The following FASTKD5 variants were observed in gnomAD, a reference collection of about 807,000 sequenced individuals.
FASTKD5 encodes the protein FAST kinase domains 5.
FASTKD5 carries 30 observed loss-of-function variants against 44.0 expected under a neutral mutation model. The observed-to-expected ratio is 0.68, with a 90% CI of 0.51 to 0.93. FASTKD5 has a LOEUF of 0.93. FASTKD5 is among the 40% of genes least tolerant of loss of function. The pLI, the probability that FASTKD5 is intolerant of heterozygous loss-of-function variation, is 0.00. For missense variants in FASTKD5, 868 were observed against 908.2 expected (o/e 0.96, Z 0.57); for synonymous variants, 335 against 342.2 (o/e 0.98, Z 0.23).
Position 3,148,131 on chromosome 20 carries a change from T to C in FASTKD5, c.940A>G (p.Asn314Asp). Reference protein sequence around the residue: ...SLILKYIDLINLEEVGTICLG... With the variant: ...SLILKYIDLIDLEEVGTICLG... ...CAGATGGTACCAACCTCCTCCAAAT[T>C]GATCAAATCTATATATTTAAGGATC... The change falls in exon 2 of 2, where the codon AAT becomes GAT. Residue 314 changes from asparagine to aspartate, a missense_variant. Asn to Asp is a conservative substitution (Grantham distance 23). Transcript: ENST00000380266. The C allele has an allele frequency of 6.2e-7, 1 of 1,613,908 alleles. No homozygotes were observed. The highest frequency in any genetic ancestry group is 8.5e-7 in the Non-Finnish European group (1 of 1,179,982).
At chr20:3,151,525 C>G (rs980437377) in intron 1 of FASTKD5, among the ~76,000 whole-genome samples, 2 of 151,986 alleles carry the variant, frequency 1.3e-5, no homozygotes, top group African/African-American at 4.8e-5. Flanking sequence ...AACTTGGCCA[C>G]GCCTATAATC....
chr20:3,151,913 T>C (rs1475086491), intron 1 of FASTKD5: 1 of 151,402 alleles, frequency 6.6e-6, no homozygotes, highest in Admixed American at 6.6e-5. Flanking sequence ...GAGACCAGCC[T>C]GGCCATCATG....
chr20:3,154,964 G>A (rs150663729), intron 1 of FASTKD5, among the ~76,000 whole-genome samples: 380 of 147,498 alleles, frequency 2.6e-3, no homozygotes, highest in African/African-American at 9.2e-3. Context: ...GAGGCAGGAG[G>A]ATCACTTGAA....
intron 1 of FASTKD5, among the ~76,000 whole-genome samples, chr20:3,151,068 TTGTG>T (rs142154039): frequency 6.7e-6 from 1 of 149,358 alleles, no homozygotes; most frequent in African/African-American, 2.5e-5. Flanking sequence ...GTGTGTGTGT[TTGTG>T]TGTGTGTGTG....
rs765793166 is a variant in FASTKD5 at position 3,147,622 on chromosome 20, C to T, written c.1449G>A (p.Glu483=). The T allele has an allele frequency of 6.2e-7, 1 of 1,614,230 alleles. No individual in the cohort carries two copies. The highest frequency in any genetic ancestry group is 1.7e-5 in the Admixed American group (1 of 60,026). Reference sequence around the variant, plus strand: ...AATCAATTAACTCTACTGGAAAGTACTCCAAAAATGCCAGGCCCAGCAGGC... The same window carrying T: ...AATCAATTAACTCTACTGGAAAGTATTCCAAAAATGCCAGGCCCAGCAGGC... ...PTCLLGLAFL[E]YFPVELIDFA... Residue 483 remains glutamate (E), a synonymous_variant, in exon 2 of 2, where the codon GAG becomes GAA. Transcript: ENST00000380266.
In FASTKD5 at chr20:3,147,131, T is replaced by C. The variant is rs1328399673; in HGVS notation, c.1940A>G (p.Glu647Gly). The C allele has an allele frequency of 1.2e-6, 2 of 1,613,690 alleles. No homozygotes were observed. Among genetic ancestry groups the C allele is most frequent in the Non-Finnish European group, 1.7e-6 (2 of 1,180,054 alleles). Residue 647 changes from glutamate to glycine, a missense_variant, in exon 2 of 2, where the codon GAG (glutamate) becomes GGG (glycine). Physicochemically the swap from Glu to Gly is moderately conservative, Grantham distance 98. Coordinates refer to ENST00000380266, the MANE Select transcript of FASTKD5 (RefSeq NM_021826.5). The part of the protein sequence containing the change: ...KARGHFQGKT[E>G]SEPGQQPMEL... ...CATGGGCTGCTGCCCAGGCTCTGAC[T>C]CAGTTTTGCCCTGGAAATGTCCTCT...
intron 1 of FASTKD5, among the ~76,000 whole-genome samples, chr20:3,152,937 A>T (rs1217794266): frequency 6.6e-6 from 1 of 152,024 alleles, no homozygotes. Flanking sequence ...AAAAAAATAG[A>T]TTTAAAGGTC....
At position 3,147,259 on chromosome 20, in the gene FASTKD5, A is replaced by G. The variant is rs995071327; in HGVS notation, c.1812T>C (p.Asn604=). ...CATTTTCAGCCGGCGTGGCTTCTCTATTAAATGGTAATGGCTTCAGGTTAA... is the reference window on the plus strand; with the variant it reads ...CATTTTCAGCCGGCGTGGCTTCTCTGTTAAATGGTAATGGCTTCAGGTTAA... The part of the protein sequence containing the change: ...LDVNLKPLPF[N]REATPAENVA... The change falls in exon 2 of 2, where the codon AAT becomes AAC. Residue 604 remains asparagine (N), a synonymous_variant. Transcript: ENST00000380266. 1.2e-6 allele frequency: 2 copies of G among 1,614,224 alleles called. No homozygotes were observed. Among genetic ancestry groups the G allele is most frequent in the Non-Finnish European group, 1.7e-6 (2 of 1,180,044 alleles).
In FASTKD5 at chr20:3,147,288, C is replaced by A; in HGVS notation, c.1783G>T (p.Asp595Tyr). The A allele has an allele frequency of 6.2e-7, 1 of 1,614,220 alleles. No individual in the cohort carries two copies. The highest frequency in any genetic ancestry group is 8.5e-7 in the Non-Finnish European group (1 of 1,180,038). Residue 595 changes from aspartate to tyrosine, a missense_variant, in exon 2 of 2, where the codon GAT (aspartate) becomes TAT (tyrosine). Transcript: ENST00000380266. ...AATGGTAATGGCTTCAGGTTAACAT[C>A]AAGCTGGACCTCTAAGTCAGAAGAT... ...TRSSDLEVQLDVNLKPLPFNR... is the reference protein window; with the variant it reads ...TRSSDLEVQLYVNLKPLPFNR...
At chr20:3,158,942 A>ACAAAACGC (rs1176627087) in intron 1 of FASTKD5, among the ~76,000 whole-genome samples, 1 of 152,256 alleles carries the variant, frequency 6.6e-6, no homozygotes, top group Non-Finnish European at 1.5e-5. Context: ...TGACTGGAGC[A>ACAAAACGC]CAAAACGCCA....
At chr20:3,158,441 G>C (rs1031981783) in intron 1 of FASTKD5, among the ~76,000 whole-genome samples, 2 of 152,094 alleles carry the variant, frequency 1.3e-5, no homozygotes, top group African/African-American at 4.8e-5. Flanking sequence ...ATGCAGCACA[G>C]AGTCTTCAGA....
In FASTKD5 at chr20:3,148,121, T is replaced by C; in HGVS notation, c.950A>G (p.Glu317Gly). Reference sequence around the variant, plus strand: ...GAACCCCAAACAGATGGTACCAACCTCCTCCAAATTGATCAAATCTATATA... The same window carrying C: ...GAACCCCAAACAGATGGTACCAACCCCCTCCAAATTGATCAAATCTATATA... ...LKYIDLINLE[E>G]VGTICLGFFK... Residue 317 changes from glutamate (E) to glycine (G), a missense_variant, in exon 2 of 2, where the codon GAG becomes GGG. Coordinates refer to ENST00000380266, the MANE Select transcript of FASTKD5 (RefSeq NM_021826.5). The C allele has an allele frequency of 6.2e-7, 1 of 1,613,930 alleles. No individual in the cohort carries two copies. The highest frequency in any genetic ancestry group is 8.5e-7 in the Non-Finnish European group (1 of 1,179,990).
At chr20:3,151,873 G>A (rs921664768) in intron 1 of FASTKD5, 1 of 151,564 alleles carries the variant, frequency 6.6e-6, no homozygotes, top group Admixed American at 6.6e-5. Flanking sequence ...GAGAGGCCAA[G>A]GCAGGCAGAT....
intron 1 of FASTKD5, among the ~76,000 whole-genome samples, chr20:3,155,836 C>G (rs1423268463): frequency 6.6e-6 from 1 of 152,152 alleles, no homozygotes; most frequent in Non-Finnish European, 1.5e-5. Flanking sequence ...GAAGAGCCAA[C>G]CTACAAATGG....
chr20:3,148,663 A>G lies in FASTKD5; in HGVS notation c.408T>C (p.Ser136=), dbSNP rs752396265. ...CACCTTCTGAAACAGACAGGAGCTG[A>G]GAAGTCTCAGATGCATTATAGCTGT... ...RVHSYNASET[S]QLLSVSEGEL... Residue 136 remains serine (S), a synonymous_variant, in exon 2 of 2, where the codon TCT becomes TCC. Transcript: ENST00000380266. 6.2e-6 allele frequency: 10 copies of G among 1,614,198 alleles called. No homozygotes were observed. Among genetic ancestry groups the G allele is most frequent in the Non-Finnish European group, 8.5e-6 (10 of 1,180,008 alleles).
intron 1 of FASTKD5, among the ~76,000 whole-genome samples, chr20:3,157,321 T>C (rs1369409795): frequency 6.6e-6 from 1 of 152,198 alleles, no homozygotes; most frequent in African/African-American, 2.4e-5. Flanking sequence ...GAAGCACTAG[T>C]GCAAAGGTGT....
At chr20:3,155,553 G>C (rs574541069) in intron 1 of FASTKD5, among the ~76,000 whole-genome samples, 1 of 152,026 alleles carries the variant, frequency 6.6e-6, no homozygotes, top group East Asian at 1.9e-4. Flanking sequence ...TGGGTCGGGA[G>C]AGGAAACTAT....
Position 3,146,917 on chromosome 20 carries a change from G to A in FASTKD5, c.2154C>T (p.His718=), listed in dbSNP as rs375423888. 2.5e-6 allele frequency: 4 copies of A among 1,614,044 alleles called. No individual in the cohort carries two copies. In the African/African-American group the frequency reaches 5.3e-5, roughly 22 times the overall value. The change falls in exon 2 of 2, where the codon CAC becomes CAT. Residue 718 remains histidine, a synonymous_variant. Coordinates refer to ENST00000380266, the MANE Select transcript of FASTKD5 (RefSeq NM_021826.5). Reference sequence around the variant, plus strand: ...GAGCCAGCTGCCGCCTCTTCATATTGTGCAGTCCAAGGAGATCCCTGGAGC... The same window carrying A: ...GAGCCAGCTGCCGCCTCTTCATATTATGCAGTCCAAGGAGATCCCTGGAGC... ...CYGSRDLLGL[H]NMKRRQLARL... is the part of the protein sequence containing the mutation.
intron 1 of FASTKD5, among the ~76,000 whole-genome samples, chr20:3,158,765 T>C (rs541443026): frequency 1.2e-4 from 18 of 152,358 alleles, no homozygotes; most frequent in Non-Finnish European, 2.2e-4. Flanking sequence ...TGAGCCACTG[T>C]GTCCGGCCCA....
Sources: gnomAD v4.1 joint callset for allele counts (sites outside exome capture counted in the v4.1 genomes callset) on GRCh38, gnomAD v4.1.1 for gene constraint, MANE v1.5 for transcripts, NCBI Gene and HGNC (gene_info 2026-07-23, HGNC 2026-07-21) for gene names.